Variants in EIF2AK1 observed in about 807,000 individuals in gnomAD.
EIF2AK1 encodes the protein eukaryotic translation initiation factor 2-alpha kinase 1.
In EIF2AK1, 54 loss-of-function variants were observed where a neutral mutation model predicts 77.9. The ratio of observed to expected loss-of-function variants is 0.69; its 90% CI spans 0.56 to 0.87. The LOEUF is 0.87. Among genes scored for constraint, EIF2AK1 ranks in the 40% least tolerant of loss-of-function variants. The pLI, the probability that EIF2AK1 is intolerant of heterozygous loss-of-function variation, is 0.00. For missense variants in EIF2AK1, 810 were observed against 768.6 expected, an observed-to-expected ratio of 1.05 and a Z score of -0.64; for synonymous variants, 314 against 290.5, an observed-to-expected ratio of 1.08 and a Z score of -0.82.
chr7:6,035,372 A>T lies in EIF2AK1; in HGVS notation c.1332+2052T>A. ...TACTTTAAATAAATACTGGCTTCTT[A>T]AGCATTAACTGTCCACGTAGAGCCG... is the stretch of plus-strand genomic sequence containing the variant. On this transcript the variant is annotated intron_variant, in intron 11 of 14. Transcript: ENST00000199389. The surrounding 1 kb of genome is among the most constrained non-coding windows in gnomAD (Gnocchi z 5.5). 7.5e-7 allele frequency: 1 copy of T among 1,342,224 alleles called. No individual in the cohort carries two copies. The highest frequency in any genetic ancestry group is 1.0e-6 in the Non-Finnish European group (1 of 984,402). 83.1% of individuals were successfully genotyped at this position (1,342,224 alleles called of 1,614,324 possible).
At chr7:6,058,903 G>A in intron 1 of EIF2AK1, 63 bp downstream of exon 1, 1 of 1,408,676 alleles carries the variant, frequency 7.1e-7, no homozygotes, top group South Asian at 1.4e-5. Flanking sequence ...GGCTGCCTTT[G>A]CCGCCCAGAA....
At chr7:6,054,766 C>A in intron 1 of EIF2AK1, 62 bp from the exon 2 acceptor site, 1 of 1,431,110 alleles carries the variant, frequency 7.0e-7, no homozygotes, top group Non-Finnish European at 9.7e-7. Context: ...AATGACAAAA[C>A]CGTATATTCT....
chr7:6,034,747 G>A (rs943832885), intron 11 of EIF2AK1, among the ~76,000 whole-genome samples: 1 of 152,084 alleles, frequency 6.6e-6, no homozygotes, highest in African/African-American at 2.4e-5. Flanking sequence ...CCTTCCTTTT[G>A]CTCTGCCAAA....
Position 6,040,903 on chromosome 7 carries a change from C to A in EIF2AK1, c.1108G>T (p.Gly370Cys), listed in dbSNP as rs998344120. 1 of 1,613,932 alleles carries A rather than the reference C, an allele frequency of 6.2e-7. No individual in the cohort carries two copies. Among genetic ancestry groups the A allele is most frequent in the Non-Finnish European group, 8.5e-7 (1 of 1,179,890 alleles). ...GGAAAGTAATCTACCTCTGTCTGAC[C>A]CAAAAAGTTGACATTTTCTTCGGAA... ...ESSEENVNFL[G>C]QTEAQYHLML... Residue 370 changes from glycine (G) to cysteine (C), a missense_variant, in exon 9 of 15, where the codon GGT (glycine) becomes TGT (cysteine). Around this residue, in one of 3 missense-constraint regions of EIF2AK1, gnomAD observed 549 missense variants for 533.7 expected, o/e 1.03. Transcript: ENST00000199389.
intron 10 of EIF2AK1, among the ~76,000 whole-genome samples, chr7:6,038,151 C>A (rs1788157539): frequency 6.6e-6 from 1 of 152,104 alleles, no homozygotes; most frequent in South Asian, 2.1e-4. Flanking sequence ...ACATTCTGGC[C>A]AGGTGCAGAC....
rs1415567132 is a variant in EIF2AK1 at position 6,036,104 on chromosome 7, A to T, written c.1332+1320T>A. The T allele has an allele frequency of 5.2e-6, 8 of 1,550,810 alleles. No individual in the cohort carries two copies. The highest frequency in any genetic ancestry group is 7.0e-6 in the Non-Finnish European group (8 of 1,147,112). On this transcript the variant is annotated intron_variant, in intron 11 of 14. Transcript: ENST00000199389. This position sits in a 1 kb window ranked among gnomAD's most constrained non-coding sequence, Gnocchi z 4.6. ...TGTACCTTCAGCGCAGTTGCAATGT[A>T]AGAGATACGGCACTTCTGGCCAGGC...
chr7:6,055,850 A>C (rs920138609), intron 1 of EIF2AK1, among the ~76,000 whole-genome samples: 25 of 150,898 alleles, frequency 1.7e-4, no homozygotes, highest in African/African-American at 5.9e-4. Flanking sequence ...GTGGTGGCGC[A>C]TGCCTGTAAT....
intron 1 of EIF2AK1, among the ~76,000 whole-genome samples, chr7:6,058,449 G>A (rs577969431): frequency 1.3e-5 from 2 of 152,172 alleles, no homozygotes; most frequent in African/African-American, 4.8e-5. Context: ...TTAAACCAAA[G>A]ACGTTTATTT....
At chr7:6,042,276 C>T (rs891126751) in intron 8 of EIF2AK1, among the ~76,000 whole-genome samples, 1 of 151,802 alleles carries the variant, frequency 6.6e-6, no homozygotes, top group Non-Finnish European at 1.5e-5. Flanking sequence ...CATGGCAAAA[C>T]CCCGTCTCTG....
At chr7:6,045,747 A>G (rs1240715369) in intron 6 of EIF2AK1, among the ~76,000 whole-genome samples, 1 of 148,182 alleles carries the variant, frequency 6.7e-6, no homozygotes, top group Non-Finnish European at 1.5e-5. Flanking sequence ...ATATATATAT[A>G]TATATAAATT....
intron 5 of EIF2AK1, chr7:6,046,603 TATA>T: frequency 6.0e-6 from 1 of 167,650 alleles, no homozygotes. Flanking sequence ...GAGTACATTA[TATA>T]ATAATAATGA....
rs1788295604 is a variant in EIF2AK1 at position 6,041,475 on chromosome 7, G to C, written c.792-256C>G. Among the ~76,000 whole-genome samples, 4 of 151,910 alleles carry C rather than the reference G, an allele frequency of 2.6e-5. No individual in the cohort carries two copies. In the South Asian group the frequency reaches 8.3e-4, roughly 32 times the overall value. On this transcript the variant is annotated intron_variant, in intron 8 of 14. Coordinates refer to ENST00000199389, the MANE Select transcript of EIF2AK1 (RefSeq NM_014413.4). ...AATGACTCGAACCCAGGAGATGGAGGTTATAGTGAGCTGAGATCATGCCAC... is the reference window on the plus strand; with the variant it reads ...AATGACTCGAACCCAGGAGATGGAGCTTATAGTGAGCTGAGATCATGCCAC...
intron 1 of EIF2AK1, among the ~76,000 whole-genome samples, chr7:6,056,333 G>A (rs1583502795): frequency 1.5e-5 from 2 of 135,722 alleles, no homozygotes; most frequent in South Asian, 2.5e-4. Flanking sequence ...GGTGGCTCAC[G>A]CCTATAATCC....
intron 9 of EIF2AK1, among the ~76,000 whole-genome samples, chr7:6,039,787 A>T (rs576244332): frequency 2.2e-3 from 326 of 151,066 alleles, no homozygotes; most frequent in African/African-American, 7.6e-3. Context: ...ATACAAAAAA[A>T]TTAGCTGGGC....
At chr7:6,034,515 T>C (rs78574316) in intron 11 of EIF2AK1, among the ~76,000 whole-genome samples, 3,280 of 152,138 alleles carry the variant, frequency 0.022, 122 homozygotes, top group African/African-American at 0.074. Context: ...GCATGCACTA[T>C]GTGAGGCTTC....
At chr7:6,055,141 G>C (rs1788713250) in intron 1 of EIF2AK1, among the ~76,000 whole-genome samples, 1 of 151,962 alleles carries the variant, frequency 6.6e-6, no homozygotes, top group African/African-American at 2.4e-5. Context: ...TCAGGAGTTT[G>C]AGACCAGCCT....
At position 6,035,914 on chromosome 7, in the gene EIF2AK1, G is replaced by T; in HGVS notation, c.1332+1510C>A. 2 of 1,547,012 alleles carry T rather than the reference G, an allele frequency of 1.3e-6. No individual in the cohort carries two copies. Among genetic ancestry groups the T allele is most frequent in the Non-Finnish European group, 1.7e-6 (2 of 1,144,722 alleles). On this transcript the variant is annotated intron_variant, in intron 11 of 14. Transcript: ENST00000199389. This position sits in a 1 kb window ranked among gnomAD's most constrained non-coding sequence, Gnocchi z 5.5. ...CTCGGGGCGGGGGTCAGCTGCATCC[G>T]TCTGCTACTCACTCACGGAGCCAAA...
At position 6,024,382 on chromosome 7, in the gene EIF2AK1, C is replaced by T. The variant is rs1787678360; in HGVS notation, c.*291G>A. 3.1e-6 allele frequency: 4 copies of T among 1,284,434 alleles called. No individual in the cohort carries two copies. Among genetic ancestry groups the T allele is most frequent in the Non-Finnish European group, 4.0e-6 (4 of 1,007,600 alleles). 79.6% of individuals were successfully genotyped at this position (1,284,434 alleles called of 1,614,324 possible). ...CACACATCAATTTCTGCGGTACCTT[C>T]TAGAGGAAGACCAGACAGAGGGTCA... is the stretch of plus-strand genomic sequence containing the variant. On this transcript the variant is annotated 3_prime_UTR_variant, in exon 15 of 15. Transcript: ENST00000199389.
intron 1 of EIF2AK1, among the ~76,000 whole-genome samples, chr7:6,055,982 C>CA (rs755531680): frequency 0.63 from 15,030 of 23,966 alleles, 5,589 homozygotes; most frequent in Non-Finnish European, 0.7. Context: ...AACTCTGTCT[C>CA]AAAAAAAAAA....
Sources: gnomAD v4.1 joint callset for allele counts (sites outside exome capture counted in the v4.1 genomes callset) on GRCh38, gnomAD v4.1.1 for gene constraint, gnomAD v4.1.1 regional missense constraint, Gnocchi (gnomAD v3.1) non-coding constraint, MANE v1.5 for transcripts, NCBI Gene and HGNC (gene_info 2026-07-23, HGNC 2026-07-21) for gene names.